Variants in C8orf88 observed in about 807,000 individuals in gnomAD.
C8orf88 encodes the protein chromosome 8 open reading frame 88, also known as uncharacterized protein C8orf88.
In C8orf88, 14 loss-of-function variants were observed where a neutral mutation model predicts 18.4. The observed-to-expected ratio is 0.76, with a 90% confidence interval of 0.50 to 1.19. C8orf88 has a LOEUF of 1.19. C8orf88 is among the 50% of genes most tolerant of loss of function. The probability of loss-of-function intolerance (pLI) is 0.00; values close to 1 mark genes in which losing one functional copy is unlikely to be tolerated. For missense variants in C8orf88, 116 were observed against 134.7 expected (o/e 0.86, Z 0.69); for synonymous variants, 45 against 42.9 (o/e 1.05, Z -0.19).
chr8:90,969,012 C>T (rs1201501071), intron 4 of C8orf88, among the ~76,000 whole-genome samples: 2 of 151,532 alleles, frequency 1.3e-5, no homozygotes, highest in Admixed American at 1.3e-4. Flanking sequence ...TAGTACCTTG[C>T]AACTAAGAAT....
intron 4 of C8orf88, among the ~76,000 whole-genome samples, chr8:90,962,200 C>T (rs149155104): frequency 1.3e-3 from 197 of 151,636 alleles, no homozygotes; most frequent in Non-Finnish European, 2.3e-3. Context: ...GAACATTCTA[C>T]GTAGCCAAAC....
chr8:90,960,216 A>G (rs1280162414), intron 5 of C8orf88, among the ~76,000 whole-genome samples: 2 of 151,504 alleles, frequency 1.3e-5, no homozygotes, highest in African/African-American at 2.4e-5. Context: ...ACAGAAATAT[A>G]AAGGGCTAAG....
chr8:90,973,263 A>G (rs2130315306), intron 3 of C8orf88, among the ~76,000 whole-genome samples: 1 of 152,278 alleles, frequency 6.6e-6, no homozygotes, highest in East Asian at 1.9e-4. Context: ...AAGGATCAGT[A>G]GGAGTTAGCC....
At chr8:90,966,254 TA>T (rs1375180100) in intron 4 of C8orf88, among the ~76,000 whole-genome samples, 3 of 147,128 alleles carry the variant, frequency 2.0e-5, no homozygotes, top group Non-Finnish European at 4.5e-5. Context: ...ATCGCAAGAA[TA>T]AAAAACCAAA....
chr8:90,981,793 A>G (rs1326396891), intron 1 of C8orf88, among the ~76,000 whole-genome samples: 1 of 152,180 alleles, frequency 6.6e-6, no homozygotes, highest in African/African-American at 2.4e-5. Context: ...TGACACCTGT[A>G]TGGGACACAA....
At chr8:90,976,712 G>T (rs2130320101) in intron 3 of C8orf88, among the ~76,000 whole-genome samples, 1 of 152,052 alleles carries the variant, frequency 6.6e-6, no homozygotes, top group Admixed American at 6.6e-5. Flanking sequence ...AAATCAGTGT[G>T]GAAAGGATGA....
chr8:90,984,071 T>C (rs1215822097), intron 1 of C8orf88, among the ~76,000 whole-genome samples: 1 of 152,216 alleles, frequency 6.6e-6, no homozygotes, highest in Non-Finnish European at 1.5e-5. Context: ...ATACTAACCA[T>C]AGATCACAGC....
chr8:90,985,249 G>GGGGGCGA (rs1811490848), upstream of C8orf88: 1 of 140,888 alleles, frequency 7.1e-6, no homozygotes, highest in African/African-American at 2.9e-5. Flanking sequence ...GGCGGCGGCG[G>GGGGGCGA]GGGGCGAGGG....
intron 3 of C8orf88, among the ~76,000 whole-genome samples, chr8:90,976,290 A>T (rs899185312): frequency 6.6e-6 from 1 of 152,144 alleles, no homozygotes; most frequent in African/African-American, 2.4e-5. Context: ...TACCTCAATA[A>T]AGGTAGGTTT....
At chr8:90,972,944 G>A (rs1811304053) in intron 3 of C8orf88, among the ~76,000 whole-genome samples, 1 of 152,096 alleles carries the variant, frequency 6.6e-6, no homozygotes, top group Non-Finnish European at 1.5e-5. Context: ...TTCTTGCAAA[G>A]GTGCCAAATG....
chr8:90,980,937 G>C (rs994144888), intron 1 of C8orf88, among the ~76,000 whole-genome samples: 6 of 151,992 alleles, frequency 3.9e-5, no homozygotes, highest in African/African-American at 1.5e-4. Context: ...TTCTTCGATT[G>C]TCTCTTCTAA....
intron 3 of C8orf88, among the ~76,000 whole-genome samples, chr8:90,973,387 G>C (rs1215358271): frequency 1.3e-5 from 2 of 152,170 alleles, no homozygotes; most frequent in African/African-American, 4.8e-5. Flanking sequence ...GAGGAGTAAA[G>C]CAGGATAAGC....
chr8:90,974,206 C>T (rs958751707), intron 3 of C8orf88, among the ~76,000 whole-genome samples: 1 of 152,112 alleles, frequency 6.6e-6, no homozygotes, highest in East Asian at 1.9e-4. Flanking sequence ...TCTATGACTG[C>T]TCCTACCAAT....
chr8:90,964,783 A>C (rs1811172007), intron 4 of C8orf88, among the ~76,000 whole-genome samples: 1 of 151,648 alleles, frequency 6.6e-6, no homozygotes, highest in Non-Finnish European at 1.5e-5. Flanking sequence ...ATATAGGAGC[A>C]ATGTTTTATA....
intron 2 of C8orf88, 46 bp from the exon 3 acceptor site, chr8:90,978,698 T>A (rs1811389178): frequency 3.7e-6 from 4 of 1,075,274 alleles, no homozygotes; most frequent in Non-Finnish European, 4.0e-6. Flanking sequence ...ATTATTTCAA[T>A]AAATAATATA....
chr8:90,964,682 A>G (rs1811170807), intron 4 of C8orf88, among the ~76,000 whole-genome samples: 1 of 151,670 alleles, frequency 6.6e-6, no homozygotes, highest in African/African-American at 2.4e-5. Context: ...GTGCATACAA[A>G]TGCATAATTA....
At chr8:90,964,320 C>G (rs1174012576) in intron 4 of C8orf88, among the ~76,000 whole-genome samples, 1 of 151,622 alleles carries the variant, frequency 6.6e-6, no homozygotes, top group Non-Finnish European at 1.5e-5. Context: ...AGATAAACAG[C>G]TGATTTCTCA....
intron 3 of C8orf88, among the ~76,000 whole-genome samples, chr8:90,973,811 C>T (rs1811313574): frequency 6.6e-6 from 1 of 152,066 alleles, no homozygotes; most frequent in Non-Finnish European, 1.5e-5. Context: ...AGAATGTTCC[C>T]AGCCTCTTGT....
intron 2 of C8orf88, among the ~76,000 whole-genome samples, chr8:90,979,962 A>T (rs1563555878): frequency 6.7e-6 from 1 of 149,926 alleles, no homozygotes; most frequent in Non-Finnish European, 1.5e-5. Flanking sequence ...TTGTGCTAAT[A>T]TTTTTTTTTT....
Sources: gnomAD v4.1 joint callset for allele counts (sites outside exome capture counted in the v4.1 genomes callset) on GRCh38, gnomAD v4.1.1 for gene constraint, MANE v1.5 for transcripts, NCBI Gene and HGNC (gene_info 2026-07-23, HGNC 2026-07-21) for gene names.